The following ENOX1 variants were observed in gnomAD, a reference collection of about 807,000 sequenced individuals.
ENOX1 encodes candidate growth-related and time keeping constitutive hydroquinone (NADH) oxidase.
ENOX1 carries 42 observed loss-of-function variants against 82.5 expected under a neutral mutation model. That is an observed-to-expected ratio of 0.51 (90% CI 0.40 to 0.66). ENOX1 has a LOEUF of 0.66. ENOX1 is among the 30% of genes least tolerant of loss of function. ENOX1 has a pLI of 0.00. For synonymous variants in ENOX1, 271 were observed against 282.2 expected, an observed-to-expected ratio of 0.96 and a Z score of 0.40; for missense variants, 608 against 811.6, an observed-to-expected ratio of 0.75 and a Z score of 3.05.
At chr13:43,444,010 G>C (rs1033060729) in intron 3 of ENOX1, among the ~76,000 whole-genome samples, 3 of 152,208 alleles carry the variant, frequency 2.0e-5, no homozygotes, top group Non-Finnish European at 4.4e-5. Context: ...AGTAAGAAGA[G>C]GATGTGAAGT....
intron 1 of ENOX1, among the ~76,000 whole-genome samples, chr13:43,761,767 C>G (rs1180081866): frequency 6.6e-6 from 1 of 152,096 alleles, no homozygotes; most frequent in Non-Finnish European, 1.5e-5. Flanking sequence ...GTGTCTCCTT[C>G]CAGCTCCAAT....
intron 14 of ENOX1, among the ~76,000 whole-genome samples, chr13:43,261,887 C>G (rs1374443288): frequency 1.4e-5 from 2 of 147,786 alleles, no homozygotes; most frequent in East Asian, 2.0e-4. Context: ...ATACCTAAGG[C>G]TAGATGACGA....
intron 9 of ENOX1, among the ~76,000 whole-genome samples, chr13:43,332,546 A>T (rs1003144843): frequency 1.3e-5 from 2 of 152,176 alleles, no homozygotes; most frequent in Non-Finnish European, 1.5e-5. Flanking sequence ...CACAGTATAT[A>T]AAAAAACAGG....
intron 2 of ENOX1, among the ~76,000 whole-genome samples, chr13:43,593,179 G>A (rs1270976206): frequency 6.6e-6 from 1 of 152,138 alleles, no homozygotes; most frequent in African/African-American, 2.4e-5. Flanking sequence ...CTTCTCATCT[G>A]TTTACCTTCC....
chr13:43,597,373 T>G (rs757639919), intron 2 of ENOX1, among the ~76,000 whole-genome samples: 3 of 152,342 alleles, frequency 2.0e-5, no homozygotes, highest in Non-Finnish European at 4.4e-5. Flanking sequence ...AATCTAAATC[T>G]GACTTCAAAG....
chr13:43,228,457 T>C (rs550976732), intron 15 of ENOX1, among the ~76,000 whole-genome samples: 15 of 152,338 alleles, frequency 9.8e-5, no homozygotes, highest in South Asian at 8.3e-4. Context: ...TTCAGTACCA[T>C]TGGGCTTTTT....
chr13:43,683,746 G>A (rs188411615), intron 1 of ENOX1, among the ~76,000 whole-genome samples: 22 of 152,162 alleles, frequency 1.4e-4, no homozygotes, highest in Middle Eastern at 3.4e-3. Flanking sequence ...TTGTTCTACC[G>A]TGTAGTTGAA....
At chr13:43,395,250 C>G (rs564922075) in intron 5 of ENOX1, among the ~76,000 whole-genome samples, 93 of 152,336 alleles carry the variant, frequency 6.1e-4, no homozygotes, top group African/African-American at 2.2e-3. Flanking sequence ...GGTGCAGTGG[C>G]TCACACCTAT....
chr13:43,585,765 G>C (rs1044149914), intron 2 of ENOX1, among the ~76,000 whole-genome samples: 6 of 152,124 alleles, frequency 3.9e-5, no homozygotes, highest in African/African-American at 1.4e-4. Flanking sequence ...TTTTAGTAGA[G>C]ACAGGGTTTC....
At chr13:43,725,801 A>C in intron 1 of ENOX1, among the ~76,000 whole-genome samples, 1 of 147,318 alleles carries the variant, frequency 6.8e-6, no homozygotes, top group Non-Finnish European at 1.5e-5. Context: ...CCTCGTCTCT[A>C]CAAAAAAAAA....
intron 2 of ENOX1, among the ~76,000 whole-genome samples, chr13:43,537,682 C>T (rs956051127): frequency 1.3e-5 from 2 of 152,198 alleles, no homozygotes; most frequent in East Asian, 1.9e-4. Flanking sequence ...TATAAAAGAT[C>T]TTGTGATGTG....
chr13:43,748,923 T>G (rs572149709), intron 1 of ENOX1, among the ~76,000 whole-genome samples: 1 of 152,214 alleles, frequency 6.6e-6, no homozygotes, highest in Non-Finnish European at 1.5e-5. Context: ...TAAATTTTTT[T>G]GTACCACTTA....
At chr13:43,463,080 T>G (rs1276483897) in intron 3 of ENOX1, among the ~76,000 whole-genome samples, 1 of 152,208 alleles carries the variant, frequency 6.6e-6, no homozygotes, top group Non-Finnish European at 1.5e-5. Context: ...TATCTCTCTC[T>G]TTCTTTAAAC....
At chr13:43,627,304 T>C (rs541868992) in intron 2 of ENOX1, among the ~76,000 whole-genome samples, 3 of 152,022 alleles carry the variant, frequency 2.0e-5, no homozygotes, top group Non-Finnish European at 4.4e-5. Context: ...TTCAGTCTGT[T>C]ATCTTTTGTT....
At chr13:43,784,412 T>C (rs890132866) in intron 1 of ENOX1, among the ~76,000 whole-genome samples, 3 of 152,228 alleles carry the variant, frequency 2.0e-5, no homozygotes, top group African/African-American at 7.2e-5. Flanking sequence ...GTTTCTTGAA[T>C]AGGAGGTCCT....
intron 2 of ENOX1, among the ~76,000 whole-genome samples, chr13:43,506,371 C>A (rs1483882865): frequency 6.9e-6 from 1 of 145,398 alleles, no homozygotes; most frequent in Non-Finnish European, 1.5e-5. Context: ...AATAGGAACA[C>A]TTTTACACTG....
At chr13:43,707,128 A>G (rs1382065985) in intron 1 of ENOX1, among the ~76,000 whole-genome samples, 2 of 152,178 alleles carry the variant, frequency 1.3e-5, no homozygotes, top group African/African-American at 4.8e-5. Context: ...GCAGTGAATA[A>G]CTGAAAATGA....
intron 2 of ENOX1, among the ~76,000 whole-genome samples, chr13:43,557,819 A>T (rs2079507275): frequency 6.6e-6 from 1 of 152,126 alleles, no homozygotes; most frequent in Non-Finnish European, 1.5e-5. Flanking sequence ...TTAAATTTTT[A>T]AAAAATTCAT....
chr13:43,656,121 T>G (rs1485209090), intron 2 of ENOX1, among the ~76,000 whole-genome samples: 1 of 152,224 alleles, frequency 6.6e-6, no homozygotes, highest in Non-Finnish European at 1.5e-5. Flanking sequence ...TTATTATGCA[T>G]GTGTATCAGA....
Sources: allele counts gnomAD v4.1 joint callset (sites outside exome capture counted in the v4.1 genomes callset), GRCh38; gene constraint gnomAD v4.1.1; transcripts MANE v1.5; gene names NCBI Gene and HGNC (gene_info 2026-07-23, HGNC 2026-07-21).